Variants in KCNH5 observed in about 807,000 individuals in gnomAD.
KCNH5 encodes the protein potassium voltage-gated channel subfamily H member 5.
Under a neutral mutation model 96.1 loss-of-function variants are expected in KCNH5, and 46 were observed. That is an observed-to-expected ratio of 0.48 (90% CI 0.38 to 0.61). The LOEUF (loss-of-function observed/expected upper bound fraction) is 0.61, where lower values mean the gene tolerates loss of function less well. Ranked by LOEUF, KCNH5 falls within the 20% of genes least tolerant of loss-of-function variation. KCNH5 has a pLI of 0.00. For synonymous variants in KCNH5, 439 were observed against 449.8 expected (o/e 0.98, Z 0.30); for missense variants, 907 against 1,225.8 (o/e 0.74, Z 3.88).
chr14:63,029,045 C>T (rs1345541014), intron 1 of KCNH5, among the ~76,000 whole-genome samples: 1 of 152,092 alleles, frequency 6.6e-6, no homozygotes, highest in Non-Finnish European at 1.5e-5. Flanking sequence ...ACTGTGCTCA[C>T]CAGACCTTAC....
At chr14:62,807,463 T>C (rs1886790307) in intron 8 of KCNH5, among the ~76,000 whole-genome samples, 1 of 152,100 alleles carries the variant, frequency 6.6e-6, no homozygotes, top group African/African-American at 2.4e-5. Context: ...TTAGTAATAT[T>C]TGCAAAATAA....
intron 8 of KCNH5, among the ~76,000 whole-genome samples, chr14:62,819,294 A>G (rs897616863): frequency 6.6e-6 from 1 of 152,228 alleles, no homozygotes; most frequent in African/African-American, 2.4e-5. Context: ...ATAAAAATAT[A>G]AAGTACTGAT....
intron 10 of KCNH5, among the ~76,000 whole-genome samples, chr14:62,720,136 G>A (rs1378224555): frequency 6.6e-6 from 1 of 152,184 alleles, no homozygotes; most frequent in Non-Finnish European, 1.5e-5. Flanking sequence ...GCCCTGGAGA[G>A]GGCTCAGAGA....
intron 10 of KCNH5, among the ~76,000 whole-genome samples, chr14:62,748,758 AAAATCTTCCAATATCTGGAAGATT>A (rs1428972938): frequency 5.3e-5 from 8 of 152,246 alleles, no homozygotes; most frequent in Non-Finnish European, 1.0e-4. Flanking sequence ...TCCGACAAAA[AAAATCTTCCAATATCTGGAAGATT>A]AATAAGTGTC....
intron 8 of KCNH5, among the ~76,000 whole-genome samples, chr14:62,821,410 T>C (rs988501592): frequency 6.6e-6 from 1 of 152,144 alleles, no homozygotes; most frequent in South Asian, 2.1e-4. Context: ...AAACTTTTCT[T>C]ATTTGCATGA....
chr14:62,889,608 T>A (rs1888664043), intron 7 of KCNH5, among the ~76,000 whole-genome samples: 1 of 152,120 alleles, frequency 6.6e-6, no homozygotes, highest in Admixed American at 6.5e-5. Context: ...GCCTCTCCGA[T>A]TCCTAAGAGA....
At chr14:62,909,077 G>T (rs1357697778) in intron 7 of KCNH5, among the ~76,000 whole-genome samples, 1 of 101,494 alleles carries the variant, frequency 9.9e-6, no homozygotes, top group African/African-American at 4.0e-5. Flanking sequence ...ACGGAATCTC[G>T]CTCTGTCGCC....
intron 6 of KCNH5, among the ~76,000 whole-genome samples, chr14:62,970,623 C>T (rs1180600839): frequency 1.3e-5 from 2 of 152,100 alleles, no homozygotes; most frequent in Non-Finnish European, 2.9e-5. Context: ...AAAATTTAAT[C>T]TAACAATGTA....
intron 7 of KCNH5, among the ~76,000 whole-genome samples, chr14:62,851,328 G>T (rs1007121748): frequency 6.6e-6 from 1 of 151,888 alleles, no homozygotes; most frequent in African/African-American, 2.4e-5. Context: ...GTCTTTCAAC[G>T]TCCTGTGTGC....
intron 1 of KCNH5, among the ~76,000 whole-genome samples, chr14:63,018,647 T>C (rs1891371322): frequency 6.6e-6 from 1 of 151,918 alleles, no homozygotes; most frequent in Non-Finnish European, 1.5e-5. Context: ...AAATAAAAAA[T>C]GTAGAAATTA....
chr14:62,999,391 T>C, intron 4 of KCNH5, among the ~76,000 whole-genome samples: 1 of 152,160 alleles, frequency 6.6e-6, no homozygotes, highest in East Asian at 1.9e-4. Flanking sequence ...TTGTTTGTTT[T>C]TTTCTTGTAA....
intron 7 of KCNH5, among the ~76,000 whole-genome samples, chr14:62,922,010 G>A (rs1889389227): frequency 6.6e-6 from 1 of 151,854 alleles, no homozygotes; most frequent in African/African-American, 2.4e-5. Flanking sequence ...ACATAGGTAG[G>A]ACTATATAAT....
chr14:62,769,525 A>G (rs1334612457), intron 10 of KCNH5, among the ~76,000 whole-genome samples: 1 of 152,242 alleles, frequency 6.6e-6, no homozygotes, highest in Admixed American at 6.5e-5. Flanking sequence ...AAATTGCTGT[A>G]CTACTCTGAA....
chr14:62,801,722 A>G (rs1368398013), intron 9 of KCNH5, among the ~76,000 whole-genome samples: 1 of 152,126 alleles, frequency 6.6e-6, no homozygotes, highest in African/African-American at 2.4e-5. Context: ...TATAGAGGAC[A>G]GAACCAGCTT....
intron 9 of KCNH5, among the ~76,000 whole-genome samples, chr14:62,781,042 C>G (rs939539435): frequency 7.2e-5 from 11 of 151,982 alleles, no homozygotes; most frequent in Non-Finnish European, 2.9e-5. Flanking sequence ...ATCGGGGAAT[C>G]TGCCCCGATA....
intron 1 of KCNH5, among the ~76,000 whole-genome samples, chr14:63,042,058 C>T (rs1464914062): frequency 6.6e-6 from 1 of 151,964 alleles, no homozygotes; most frequent in African/African-American, 2.4e-5. Flanking sequence ...TTGGTGATAC[C>T]CATGGACAAA....
At chr14:62,714,183 G>C (rs1336563573) in intron 10 of KCNH5, among the ~76,000 whole-genome samples, 1 of 152,056 alleles carries the variant, frequency 6.6e-6, no homozygotes, top group African/African-American at 2.4e-5. Context: ...TAGCTACTTG[G>C]GAGGCTGAGG....
chr14:62,881,485 G>C (rs1195156820), intron 7 of KCNH5, among the ~76,000 whole-genome samples: 1 of 152,154 alleles, frequency 6.6e-6, no homozygotes, highest in East Asian at 1.9e-4. Context: ...AGAAGGCGGA[G>C]GGTGGGAGAA....
rs552610765 is a variant in KCNH5 at position 62,699,889 on chromosome 14, A to G, written c.*7619T>C. The G allele has an allele frequency of 2.0e-5, 3 of 152,254 alleles. No individual in the cohort carries two copies. The South Asian group carries it at 6.2e-4, about 32-fold the overall frequency. 9.4% of individuals were successfully genotyped at this position (152,254 alleles called of 1,614,324 possible). On this transcript the variant is annotated 3_prime_UTR_variant, in exon 11 of 11. Transcript: ENST00000322893. Reference sequence around the variant, plus strand: ...CAGATTTTGAAAAAAGCCAACAAGTACTGCTTAGCATAATGGTATTAAAAA... The same window carrying G: ...CAGATTTTGAAAAAAGCCAACAAGTGCTGCTTAGCATAATGGTATTAAAAA...
Sources: gnomAD v4.1 joint callset for allele counts (sites outside exome capture counted in the v4.1 genomes callset) on GRCh38, gnomAD v4.1.1 for gene constraint, MANE v1.5 for transcripts, NCBI Gene and HGNC (gene_info 2026-07-23, HGNC 2026-07-21) for gene names.